Variants in KANSL1 observed in about 807,000 individuals in gnomAD.
KANSL1 encodes the protein KAT8 regulatory NSL complex subunit 1, also known as MLL1/MLL complex subunit KANSL1.
In KANSL1, 22 loss-of-function variants were observed where a neutral mutation model predicts 103.6. The observed-to-expected ratio is 0.21, with a 90% confidence interval of 0.15 to 0.30. The LOEUF is 0.30. Ranked by LOEUF, KANSL1 falls within the 10% of genes least tolerant of loss-of-function variation. The pLI, the probability that KANSL1 is intolerant of heterozygous loss-of-function variation, is 1.00. For missense variants in KANSL1, 1,337 were observed against 1,399.8 expected (o/e 0.96, Z 0.72); for synonymous variants, 600 against 527.6 (o/e 1.14, Z -1.88).
intron 2 of KANSL1, among the ~76,000 whole-genome samples, chr17:46,143,803 C>CAAAAAAAAAAAAAAAAAA (rs57361021): frequency 7.7e-4 from 66 of 85,508 alleles, no homozygotes; most frequent in Non-Finnish European, 1.1e-3. Context: ...GACTCCATCT[C>CAAAAAAAAAAAAAAAAAA]AAAAAAAAAA....
chr17:46,048,877 GA>G (rs937164596), intron 7 of KANSL1, among the ~76,000 whole-genome samples: 96 of 148,096 alleles, frequency 6.5e-4, no homozygotes, highest in African/African-American at 1.9e-3. Flanking sequence ...TTCATTAATT[GA>G]AAAAAAAAAC....
intron 6 of KANSL1, among the ~76,000 whole-genome samples, chr17:46,062,091 C>CA (rs35638067): frequency 0.031 from 2,133 of 69,894 alleles, 117 homozygotes; most frequent in African/African-American, 0.056. Context: ...GACTCCGACT[C>CA]AAAAAAAAAA....
intron 2 of KANSL1, among the ~76,000 whole-genome samples, chr17:46,151,001 TCATAA>T (rs2045066383): frequency 6.6e-6 from 1 of 151,794 alleles, no homozygotes; most frequent in African/African-American, 2.4e-5. Flanking sequence ...ATGAGCAGTC[TCATAA>T]CATAGACAAG....
chr17:46,112,433 T>C (rs112480703), intron 2 of KANSL1, among the ~76,000 whole-genome samples: 20,952 of 137,274 alleles, frequency 0.15, 2,056 homozygotes, highest in Middle Eastern at 0.24. Flanking sequence ...GCTTGTAATC[T>C]CAGCCCTTTG....
chr17:46,198,422 T>TAAAAA (rs58312564), upstream of KANSL1, among the ~76,000 whole-genome samples: 8 of 96,108 alleles, frequency 8.3e-5, no homozygotes, highest in South Asian at 3.6e-4. Context: ...CTACTTTAAT[T>TAAAAA]AAAAAAAAAA....
At chr17:46,200,744 A>AATAT (rs66498281) in intron 1 of KANSL1, among the ~76,000 whole-genome samples, 82 of 150,124 alleles carry the variant, frequency 5.5e-4, no homozygotes, top group African/African-American at 1.6e-3. Context: ...TCTGTCTCAA[A>AATAT]ATATATATAT....
chr17:46,154,128 A>G (rs1011802412), intron 2 of KANSL1, among the ~76,000 whole-genome samples: 1 of 152,228 alleles, frequency 6.6e-6, no homozygotes, highest in Non-Finnish European at 1.5e-5. Context: ...TGGGAGTACA[A>G]AAGTAAGGGG....
chr17:46,104,020 T>G (rs559469663), intron 2 of KANSL1, among the ~76,000 whole-genome samples: 9 of 152,280 alleles, frequency 5.9e-5, no homozygotes, highest in South Asian at 2.1e-4. Context: ...AGAGTGAGAC[T>G]CTGTCTCAAA....
At chr17:46,069,599 T>A (rs1425191143) in intron 4 of KANSL1, among the ~76,000 whole-genome samples, 1 of 151,648 alleles carries the variant, frequency 6.6e-6, no homozygotes, top group Non-Finnish European at 1.5e-5. Context: ...ACAAAATTAG[T>A]TGGGCATGGT....
intron 1 of KANSL1, among the ~76,000 whole-genome samples, chr17:46,181,491 G>A (rs898331429): frequency 6.6e-6 from 1 of 151,780 alleles, no homozygotes; most frequent in Non-Finnish European, 1.5e-5. Flanking sequence ...GTGCGATGGC[G>A]CGATCTCCGC....
At chr17:46,051,239 T>C (rs1266333547) in intron 6 of KANSL1, among the ~76,000 whole-genome samples, 1 of 152,208 alleles carries the variant, frequency 6.6e-6, no homozygotes, top group Non-Finnish European at 1.5e-5. Context: ...CAAGCTTCCC[T>C]GAAGCTTGTA....
At chr17:46,178,567 T>C (rs2046637550) in intron 1 of KANSL1, among the ~76,000 whole-genome samples, 3 of 152,240 alleles carry the variant, frequency 2.0e-5, no homozygotes, top group Admixed American at 6.5e-5. Flanking sequence ...AGTAAGCTTG[T>C]ACAGATAAAA....
chr17:46,174,426 G>A (rs952394948), intron 1 of KANSL1, among the ~76,000 whole-genome samples: 1 of 152,172 alleles, frequency 6.6e-6, no homozygotes, highest in Non-Finnish European at 1.5e-5. Flanking sequence ...CTCATGATCC[G>A]CCCACCTCGG....
At chr17:46,189,557 A>T (rs971558416) in intron 1 of KANSL1, among the ~76,000 whole-genome samples, 1 of 152,214 alleles carries the variant, frequency 6.6e-6, no homozygotes, top group Non-Finnish European at 1.5e-5. Context: ...TCCAGTGTGG[A>T]TTAGTTTGGT....
At chr17:46,036,909 A>T (rs1414199662) in intron 10 of KANSL1, among the ~76,000 whole-genome samples, 2 of 151,970 alleles carry the variant, frequency 1.3e-5, no homozygotes, top group African/African-American at 4.8e-5. Flanking sequence ...ATAGGGTTTC[A>T]CCTTATTGGC....
chr17:46,107,613 C>T (rs182025642), intron 2 of KANSL1, among the ~76,000 whole-genome samples: 12 of 152,360 alleles, frequency 7.9e-5, no homozygotes, highest in African/African-American at 2.9e-4. Context: ...CTTACCCAAA[C>T]TCATGGCTTT....
chr17:46,213,775 G>A (rs527353101), intron 1 of KANSL1, among the ~76,000 whole-genome samples: 5 of 152,036 alleles, frequency 3.3e-5, no homozygotes, highest in South Asian at 4.1e-4. Context: ...ACAATCAGCC[G>A]GGTGTGGTGG....
Position 46,110,797 on chromosome 17 carries a change from T to C in KANSL1, c.1290-16096A>G, listed in dbSNP as rs550504079. 9.2e-5 allele frequency among the ~76,000 whole-genome samples: 14 copies of C among 151,740 alleles called. 1 individual carries two copies. The South Asian group carries it at 2.9e-3, about 32-fold the overall frequency. On this transcript the variant is annotated intron_variant, in intron 2 of 14. Transcript: ENST00000432791. ...AGTTCTGAAAGGAGAGAAATAAGGTTGGGGTGGGAGGTGGGGAAAGCAGGT... is the reference window on the plus strand; with the variant it reads ...AGTTCTGAAAGGAGAGAAATAAGGTCGGGGTGGGAGGTGGGGAAAGCAGGT...
chr17:46,064,765 A>T (rs2078312736), intron 6 of KANSL1, among the ~76,000 whole-genome samples: 1 of 152,030 alleles, frequency 6.6e-6, no homozygotes, highest in Non-Finnish European at 1.5e-5. Flanking sequence ...GGAATACCTA[A>T]GCTCTGGAAT....
Sources: allele counts gnomAD v4.1 joint callset (sites outside exome capture counted in the v4.1 genomes callset), GRCh38; gene constraint gnomAD v4.1.1; transcripts MANE v1.5; gene names NCBI Gene and HGNC (gene_info 2026-07-23, HGNC 2026-07-21).